RBMS3: variants seen among roughly 807,000 people sequenced by gnomAD.
The protein encoded by RBMS3 is RNA-binding motif, single-stranded-interacting protein 3.
Under a neutral mutation model 66.8 loss-of-function variants are expected in RBMS3, and 27 were observed. That is an observed-to-expected ratio of 0.40 (90% confidence interval 0.30 to 0.56). The LOEUF is 0.56. Ranked by LOEUF, RBMS3 falls within the 20% of genes least tolerant of loss-of-function variation. RBMS3 has a pLI of 0.40. For missense variants in RBMS3, 513 were observed against 549.5 expected, an observed-to-expected ratio of 0.93 and a Z score of 0.66; for synonymous variants, 188 against 183.0, an observed-to-expected ratio of 1.03 and a Z score of -0.22.
intron 1 of RBMS3, among the ~76,000 whole-genome samples, chr3:29,291,431 A>G (rs923041742): frequency 6.6e-6 from 1 of 151,896 alleles, no homozygotes; most frequent in Admixed American, 6.6e-5. Flanking sequence ...GACACATTGG[A>G]TTGACCTTTG....
chr3:29,367,372 A>G (rs2037967074), intron 1 of RBMS3, among the ~76,000 whole-genome samples: 1 of 152,130 alleles, frequency 6.6e-6, no homozygotes, highest in South Asian at 2.1e-4. Flanking sequence ...GCAACATACA[A>G]TGTGAGTGTC....
intron 3 of RBMS3, among the ~76,000 whole-genome samples, chr3:29,515,093 A>G (rs2044571310): frequency 6.6e-6 from 1 of 152,130 alleles, no homozygotes; most frequent in Admixed American, 6.5e-5. Flanking sequence ...GCTGTAAATA[A>G]CATGCTCTTA....
chr3:29,623,662 A>G (rs971045671), intron 4 of RBMS3, among the ~76,000 whole-genome samples: 1 of 152,186 alleles, frequency 6.6e-6, no homozygotes, highest in African/African-American at 2.4e-5. Flanking sequence ...ATTTTGAGTT[A>G]CACAAACAAT....
Position 29,392,843 on chromosome 3 carries a change from TG to T in RBMS3, c.76-41899del, listed in dbSNP as rs1244382944. ...TGTTGGGTCAGGTGAAAAGAGATCA[TG>T]CCAGTCACTTCACTGCAGTTGCCCT... On this transcript the variant is annotated intron_variant, in intron 1 of 14. Coordinates refer to ENST00000383767, the MANE Select transcript of RBMS3 (RefSeq NM_001003793.3). Among the ~76,000 whole-genome samples, 3 of 151,960 alleles carry T rather than the reference TG, an allele frequency of 2.0e-5. No homozygotes were observed. The East Asian group carries it at 5.8e-4, about 29-fold the overall frequency.
intron 6 of RBMS3, among the ~76,000 whole-genome samples, chr3:29,843,059 C>T (rs2058699444): frequency 6.6e-6 from 1 of 152,162 alleles, no homozygotes. Context: ...TTTCTGTATT[C>T]CATGCCATTA....
intron 4 of RBMS3, among the ~76,000 whole-genome samples, chr3:29,589,287 A>G (rs573666783): frequency 1.2e-4 from 19 of 152,148 alleles, no homozygotes; most frequent in Non-Finnish European, 2.6e-4. Flanking sequence ...TATCTCACCT[A>G]GTCAGAAGGC....
At chr3:29,699,540 C>T (rs1171576329) in intron 4 of RBMS3, among the ~76,000 whole-genome samples, 2 of 152,162 alleles carry the variant, frequency 1.3e-5, no homozygotes, top group Middle Eastern at 3.4e-3. Flanking sequence ...TAACTCTTTC[C>T]AGCTTTTGTT....
At chr3:29,676,631 T>C (rs1050769017) in intron 4 of RBMS3, among the ~76,000 whole-genome samples, 2 of 152,210 alleles carry the variant, frequency 1.3e-5, no homozygotes, top group Non-Finnish European at 2.9e-5. Context: ...TCATTTTATA[T>C]AATGACTGTG....
chr3:29,357,143 C>T lies in RBMS3; in HGVS notation c.75+75387C>T, dbSNP rs188262859. On this transcript the variant is annotated intron_variant, in intron 1 of 14. Coordinates refer to ENST00000383767, the MANE Select transcript of RBMS3 (RefSeq NM_001003793.3). ...ATACATGTGACATGTTGGTGTGCTG[C>T]ACCCATTAACTCGTCATTTACATTA... Among the ~76,000 whole-genome samples the T allele has an allele frequency of 1.4e-4, 22 of 152,164 alleles. No individual in the cohort carries two copies. The East Asian group carries it at 4.3e-3, about 29-fold the overall frequency.
intron 4 of RBMS3, among the ~76,000 whole-genome samples, chr3:29,639,031 A>C (rs919803352): frequency 5.3e-5 from 8 of 151,716 alleles, no homozygotes; most frequent in African/African-American, 1.9e-4. Context: ...TGTATTTTGA[A>C]ATCTTACAAA....
At chr3:29,490,539 G>C (rs191134570) in intron 3 of RBMS3, among the ~76,000 whole-genome samples, 28 of 152,100 alleles carry the variant, frequency 1.8e-4, no homozygotes, top group Non-Finnish European at 4.0e-4. Flanking sequence ...AGGTTTTGGG[G>C]AGAAGGTGTT....
intron 6 of RBMS3, among the ~76,000 whole-genome samples, chr3:29,819,084 TGTTC>T (rs1350345857): frequency 1.3e-5 from 2 of 152,234 alleles, no homozygotes; most frequent in Admixed American, 1.3e-4. Context: ...ACTTTTATTA[TGTTC>T]TAGACTCATG....
intron 6 of RBMS3, among the ~76,000 whole-genome samples, chr3:29,835,043 G>T (rs539334478): frequency 1.3e-5 from 2 of 151,998 alleles, no homozygotes; most frequent in South Asian, 2.1e-4. Context: ...AAACAATAAA[G>T]GTCACTGTAT....
At chr3:29,441,331 G>T (rs1287991410) in intron 2 of RBMS3, among the ~76,000 whole-genome samples, 24 of 152,078 alleles carry the variant, frequency 1.6e-4, no homozygotes. Context: ...CATAGTATTT[G>T]ATTAGTACTA....
intron 6 of RBMS3, among the ~76,000 whole-genome samples, chr3:29,809,128 A>T (rs2057648743): frequency 6.6e-6 from 1 of 151,842 alleles, no homozygotes. Flanking sequence ...ATAAAACTTA[A>T]ATCACAAAAG....
At chr3:29,467,210 G>A (rs74634184) in intron 2 of RBMS3, among the ~76,000 whole-genome samples, 146 of 152,258 alleles carry the variant, frequency 9.6e-4, no homozygotes, top group African/African-American at 3.3e-3. Context: ...TATAGATTAT[G>A]TGAACCTGTT....
At chr3:29,890,842 C>A (rs1436131782) in intron 8 of RBMS3, among the ~76,000 whole-genome samples, 1 of 151,450 alleles carries the variant, frequency 6.6e-6, no homozygotes, top group Non-Finnish European at 1.5e-5. Flanking sequence ...GAGACGGAAA[C>A]TTATCTTTCA....
At chr3:29,303,836 T>G (rs1207843846) in intron 1 of RBMS3, among the ~76,000 whole-genome samples, 1 of 152,010 alleles carries the variant, frequency 6.6e-6, no homozygotes, top group Non-Finnish European at 1.5e-5. Flanking sequence ...TTAATTGGAC[T>G]TACAGTCCCA....
chr3:29,593,176 G>A lies in RBMS3; in HGVS notation c.399+5971G>A, dbSNP rs140561968. On this transcript the variant is annotated intron_variant, in intron 4 of 14. Coordinates refer to ENST00000383767, the MANE Select transcript of RBMS3 (RefSeq NM_001003793.3). ...ACTTAAAGTATAATAAAAAAAGGAA[G>A]GGTGTATTCAATAGAATATTCTAGA... Among the ~76,000 whole-genome samples the A allele has an allele frequency of 7.3e-3, 1,111 of 152,144 alleles. 17 individuals are homozygous for A. The highest frequency in any genetic ancestry group is 0.025 in the African/African-American group (1,057 of 41,512).
Sources: gnomAD v4.1 joint callset for allele counts (sites outside exome capture counted in the v4.1 genomes callset) on GRCh38, gnomAD v4.1.1 for gene constraint, MANE v1.5 for transcripts, NCBI Gene and HGNC (gene_info 2026-07-23, HGNC 2026-07-21) for gene names.